The following TP63 variants were observed in gnomAD, a reference collection of about 807,000 sequenced individuals.
TP63 encodes tumor protein p63, also known as tumor protein 63.
In TP63, 17 loss-of-function variants were observed where a neutral mutation model predicts 82.8. The observed-to-expected ratio is 0.21, with a 90% CI of 0.14 to 0.31. The LOEUF (loss-of-function observed/expected upper bound fraction) is 0.31, where lower values mean the gene tolerates loss of function less well. Among genes scored for constraint, TP63 ranks in the 10% least tolerant of loss-of-function variants. The pLI, the probability that TP63 is intolerant of heterozygous loss-of-function variation, is 1.00. For synonymous variants in TP63, 330 were observed against 321.7 expected (o/e 1.03, Z -0.28); for missense variants, 648 against 895.3 (o/e 0.72, Z 3.52).
intron 1 of TP63, among the ~76,000 whole-genome samples, chr3:189,661,646 T>C (rs1323616287): frequency 5.9e-5 from 9 of 152,102 alleles, no homozygotes; most frequent in African/African-American, 2.2e-4. Context: ...TTTGATAGAA[T>C]TGGTACCTTG....
chr3:189,686,129 G>A (rs1292298657), intron 1 of TP63, among the ~76,000 whole-genome samples: 1 of 152,136 alleles, frequency 6.6e-6, no homozygotes, highest in Non-Finnish European at 1.5e-5. Context: ...GCAGAGCTGT[G>A]ACTCGTCATT....
chr3:189,794,913 C>G (rs996364591), intron 3 of TP63, among the ~76,000 whole-genome samples: 1 of 152,070 alleles, frequency 6.6e-6, no homozygotes, highest in Admixed American at 6.6e-5. Context: ...TTTCTAAAGT[C>G]TCATACAACC....
intron 1 of TP63, among the ~76,000 whole-genome samples, chr3:189,647,420 C>T (rs191025557): frequency 6.8e-6 from 1 of 147,120 alleles, no homozygotes; most frequent in East Asian, 2.4e-4. Flanking sequence ...TGACCAAAGT[C>T]ACTAAATATG....
intron 3 of TP63, among the ~76,000 whole-genome samples, chr3:189,787,910 GT>G (rs777016346): frequency 2.0e-5 from 3 of 151,934 alleles, no homozygotes; most frequent in African/African-American, 4.8e-5. Context: ...CCAGAAATCT[GT>G]TTTTAAAAAG....
chr3:189,668,275 G>A (rs560272358), intron 1 of TP63, among the ~76,000 whole-genome samples: 1 of 152,162 alleles, frequency 6.6e-6, no homozygotes, highest in African/African-American at 2.4e-5. Flanking sequence ...CATCCAAGAT[G>A]TCCAGTATAA....
chr3:189,840,857 C>CAAAAAAAAA (rs58360712), intron 4 of TP63, among the ~76,000 whole-genome samples: 1 of 97,316 alleles, frequency 1.0e-5, no homozygotes, highest in Non-Finnish European at 2.0e-5. Flanking sequence ...ACTCAGTCTC[C>CAAAAAAAAA]AAAAAAAAAA....
chr3:189,738,193 C>G (rs550116278), intron 2 of TP63, among the ~76,000 whole-genome samples: 1 of 152,198 alleles, frequency 6.6e-6, no homozygotes, highest in Non-Finnish European at 1.5e-5. Flanking sequence ...AATGCAGGTA[C>G]TCACTGAGAA....
intron 9 of TP63, among the ~76,000 whole-genome samples, chr3:189,869,932 T>A (rs1718216941): frequency 6.6e-6 from 1 of 152,138 alleles, no homozygotes; most frequent in African/African-American, 2.4e-5. Context: ...TATGTGTTTT[T>A]TAAAATTAGA....
At chr3:189,649,673 A>AT (rs1712726087) in intron 1 of TP63, among the ~76,000 whole-genome samples, 1 of 146,912 alleles carries the variant, frequency 6.8e-6, no homozygotes, top group South Asian at 2.3e-4. Flanking sequence ...ATGGTCATCT[A>AT]ATAAGGCCTG....
intron 1 of TP63, among the ~76,000 whole-genome samples, chr3:189,649,435 A>T (rs114822314): frequency 0.015 from 2,158 of 146,832 alleles, 308 homozygotes; most frequent in African/African-American, 0.052. Flanking sequence ...GAACGCGTGG[A>T]CACAGAAATG....
intron 1 of TP63, among the ~76,000 whole-genome samples, chr3:189,666,853 G>T (rs1714430188): frequency 6.6e-6 from 1 of 151,808 alleles, no homozygotes; most frequent in African/African-American, 2.4e-5. Context: ...GAAATTGTGT[G>T]TATGTATGTA....
chr3:189,684,849 C>G (rs906994985), intron 1 of TP63, among the ~76,000 whole-genome samples: 1 of 152,014 alleles, frequency 6.6e-6, no homozygotes, highest in Non-Finnish European at 1.5e-5. Flanking sequence ...TCAGGCTGGT[C>G]TTGGACTCCT....
At chr3:189,817,127 A>C (rs1234613780) in intron 4 of TP63, among the ~76,000 whole-genome samples, 1 of 152,114 alleles carries the variant, frequency 6.6e-6, no homozygotes, top group Non-Finnish European at 1.5e-5. Context: ...ATTAAATAGG[A>C]GTTCCTTCTT....
intron 4 of TP63, among the ~76,000 whole-genome samples, chr3:189,853,098 T>C (rs1715856399): frequency 6.6e-6 from 1 of 152,218 alleles, no homozygotes; most frequent in Non-Finnish European, 1.5e-5. Context: ...CATCAGCTAA[T>C]CTGGTGACTT....
chr3:189,711,179 A>C (rs977445427), intron 1 of TP63, among the ~76,000 whole-genome samples: 1 of 152,112 alleles, frequency 6.6e-6, no homozygotes, highest in African/African-American at 2.4e-5. Context: ...ACCATTACTT[A>C]ATCATTTACA....
At chr3:189,873,938 G>A (rs747206037) in intron 10 of TP63, among the ~76,000 whole-genome samples, 154 of 152,230 alleles carry the variant, frequency 1.0e-3, no homozygotes, top group Middle Eastern at 3.4e-3. Context: ...AGGCAAAAAA[G>A]AAGTCAAAAA....
At chr3:189,881,600 G>T (rs1157415589) in intron 10 of TP63, 13 of 832,358 alleles carry the variant, frequency 1.6e-5, no homozygotes, top group Non-Finnish European at 1.9e-5. Context: ...TAAGGAACAA[G>T]AATAATAATA....
the TP63 span, among the ~76,000 whole-genome samples, chr3:189,609,467 T>C: frequency 0.038 from 5,784 of 152,196 alleles, 131 homozygotes; most frequent in Middle Eastern, 0.065. Context: ...CATGGGGGGT[T>C]GTTGTACATA....
rs1553859673 is a variant in TP63, at chr3:189,875,611, T to TATATATATATATACACAC, written c.1349+2629_1349+2630insCACACATATATATATATA. On this transcript the variant is annotated intron_variant, in intron 10 of 13. Coordinates refer to ENST00000264731, the MANE Select transcript of TP63 (RefSeq NM_003722.5). Reference sequence around the variant, plus strand: ...ATACATACATATATATATATATATATATATATATATATATATATATATATA... The same window carrying TATATATATATATACACAC: ...ATACATACATATATATATATATATATATATATATATATACACACATATATATATATATATATATATATA... 8.3e-3 allele frequency among the ~76,000 whole-genome samples: 643 copies of TATATATATATATACACAC among 77,018 alleles called. 31 individuals carry two copies. Among genetic ancestry groups the TATATATATATATACACAC allele is most frequent in the East Asian group, 0.027 (77 of 2,850 alleles). The allele number at this position is 77,018 out of a possible 152,430, so 50.5% of individuals were successfully genotyped here.
Sources: gnomAD v4.1 joint callset for allele counts (sites outside exome capture counted in the v4.1 genomes callset) on GRCh38, gnomAD v4.1.1 for gene constraint, MANE v1.5 for transcripts, NCBI Gene and HGNC (gene_info 2026-07-23, HGNC 2026-07-21) for gene names.